The following RPF2 variants were observed in gnomAD, a reference collection of about 807,000 sequenced individuals.
RPF2 encodes ribosome production factor 2 homolog, also known as brix domain containing 1.
Under a neutral mutation model 38.9 loss-of-function variants are expected in RPF2, and 21 were observed. The ratio of observed to expected loss-of-function variants is 0.54; its 90% confidence interval spans 0.38 to 0.78. The LOEUF is 0.78. Among genes scored for constraint, RPF2 ranks in the 30% least tolerant of loss-of-function variants. The pLI is 0.00. For synonymous variants in RPF2, 121 were observed against 126.2 expected, an observed-to-expected ratio of 0.96 and a Z score of 0.28; for missense variants, 314 against 358.1, an observed-to-expected ratio of 0.88 and a Z score of 0.99.
intron 7 of RPF2, among the ~76,000 whole-genome samples, chr6:111,015,349 GA>G (rs908437241): frequency 8.0e-5 from 12 of 150,710 alleles, no homozygotes; most frequent in African/African-American, 2.4e-4. Context: ...CTCCCTCATA[GA>G]AAAAAAAATT....
chr6:110,995,558 C>CT (rs1446121740), intron 4 of RPF2, among the ~76,000 whole-genome samples: 2 of 152,060 alleles, frequency 1.3e-5, no homozygotes, highest in Non-Finnish European at 2.9e-5. Context: ...GGTTATGACT[C>CT]TTTCATCTGT....
Position 111,025,465 on chromosome 6 carries a change from G to T in RPF2, c.804G>T (p.Met268Ile). 6.2e-7 allele frequency: 1 copy of T among 1,613,168 alleles called. No individual in the cohort carries two copies. The highest frequency in any genetic ancestry group is 8.5e-7 in the Non-Finnish European group (1 of 1,179,410). ...TFGTTYGRIH[M>I]QKQDLSKLQT... ...GTACAACTTATGGAAGGATTCATAT[G>T]CAGAAGCAAGACCTAAGCAAACTAC... The change falls in exon 10 of 10, where the codon ATG becomes ATT. Residue 268 changes from methionine (M) to isoleucine (I), a missense_variant. Transcript: ENST00000441448.
chr6:110,994,730 T>TACACACACACAC (rs1483788093), intron 4 of RPF2, among the ~76,000 whole-genome samples: 6 of 97,248 alleles, frequency 6.2e-5, no homozygotes, highest in African/African-American at 2.0e-4. Flanking sequence ...GGGATGAGTA[T>TACACACACACAC]ATATACACAC....
chr6:110,984,277 C>T (rs550408013), intron 1 of RPF2, among the ~76,000 whole-genome samples: 2 of 152,050 alleles, frequency 1.3e-5, no homozygotes, highest in East Asian at 3.9e-4. Flanking sequence ...ACAGGTTGAT[C>T]AGCAGTTGAT....
rs151062152 is a variant in RPF2, at chr6:111,003,636, A to G, written c.393+3849A>G. Among the ~76,000 whole-genome samples, 209 of 152,324 alleles carry G rather than the reference A, an allele frequency of 1.4e-3. 1 individual carries two copies. Among genetic ancestry groups the G allele is most frequent in the African/African-American group, 4.8e-3 (201 of 41,578 alleles). On this transcript the variant is annotated intron_variant, in intron 6 of 9. Transcript: ENST00000441448. The stretch of plus-strand genomic sequence containing the variant: ...CAATGAAGTAAGACTAGCCTGGACA[A>G]CATAGTGAGACCCCGTCTCTACAAA...
chr6:110,987,818 A>G lies in RPF2; in HGVS notation c.157-1210A>G, dbSNP rs562754535. On this transcript the variant is annotated intron_variant, in intron 2 of 9. Coordinates refer to ENST00000441448, the MANE Select transcript of RPF2 (RefSeq NM_032194.3). Reference sequence around the variant, plus strand: ...CTAATGCAAGGTAGTACCTGATGACATCTTTGTTATTCTCTATGGTAGAGC... The same window carrying G: ...CTAATGCAAGGTAGTACCTGATGACGTCTTTGTTATTCTCTATGGTAGAGC... Among the ~76,000 whole-genome samples, 4 of 152,182 alleles carry G rather than the reference A, an allele frequency of 2.6e-5. No homozygotes were observed. The South Asian group carries it at 8.3e-4, about 32-fold the overall frequency.
rs9487573 is a variant in RPF2 at position 111,003,009 on chromosome 6, G to A, written c.393+3222G>A. On this transcript the variant is annotated intron_variant, in intron 6 of 9. Transcript: ENST00000441448. ...AACCCCGACCTCAGGTGATCCACCCGCCTCAGCCTCCCAGAGTGCTGGGAT... is the reference window on the plus strand; with the variant it reads ...AACCCCGACCTCAGGTGATCCACCCACCTCAGCCTCCCAGAGTGCTGGGAT... Among the ~76,000 whole-genome samples, 1,188 of 151,732 alleles carry A rather than the reference G, an allele frequency of 7.8e-3. 24 individuals carry two copies. Among genetic ancestry groups the A allele is most frequent in the African/African-American group, 0.026 (1,092 of 41,352 alleles).
chr6:111,002,293 A>G (rs1389354107), intron 6 of RPF2, among the ~76,000 whole-genome samples: 4 of 152,124 alleles, frequency 2.6e-5, no homozygotes, highest in South Asian at 2.1e-4. Context: ...AAATAAAAAT[A>G]AAAAAGTAAA....
chr6:111,015,714 ATTTGT>A lies in RPF2; in HGVS notation c.494-28_494-24del, dbSNP rs765179384. 3.1e-5 allele frequency: 42 copies of A among 1,364,388 alleles called. 2 individuals carry two copies. The South Asian group carries it at 4.6e-4, about 15-fold the overall frequency. The allele number at this position is 1,364,388 out of a possible 1,614,324, so 84.5% of individuals were successfully genotyped here. On this transcript the variant is annotated intron_variant, in intron 7 of 9. Transcript: ENST00000441448. ...TTCTTTGTAACTGAATTTTGCAAGT[ATTTGT>A]TTTGTTTTGTTAATAATTTAATATG...
intron 8 of RPF2, among the ~76,000 whole-genome samples, chr6:111,017,916 G>A (rs2114348533): frequency 6.6e-6 from 1 of 152,170 alleles, no homozygotes; most frequent in Middle Eastern, 3.4e-3. Flanking sequence ...ACTCCAGCCT[G>A]GGCAACATTG....
At chr6:111,024,379 C>A in intron 9 of RPF2, 52 bp downstream of exon 9, 1 of 1,514,886 alleles carries the variant, frequency 6.6e-7, no homozygotes, top group South Asian at 1.2e-5. Context: ...CTACTTTAAT[C>A]CTTTTTCTTT....
At chr6:111,013,969 C>T (rs545465035) in intron 7 of RPF2, among the ~76,000 whole-genome samples, 4 of 151,470 alleles carry the variant, frequency 2.6e-5, no homozygotes, top group South Asian at 4.2e-4. Context: ...AGACCCCATC[C>T]GTACATAATA....
At chr6:110,985,208 C>T in intron 2 of RPF2, 70 bp downstream of exon 2, 1 of 1,334,374 alleles carries the variant, frequency 7.5e-7, no homozygotes. Flanking sequence ...CTAGGATGGG[C>T]TGTCGGAGAA....
At chr6:111,018,303 G>T (rs911906280) in intron 8 of RPF2, among the ~76,000 whole-genome samples, 2 of 152,152 alleles carry the variant, frequency 1.3e-5, no homozygotes, top group African/African-American at 4.8e-5. Flanking sequence ...GGTACTGGCT[G>T]ACAGAGCCCA....
intron 8 of RPF2, among the ~76,000 whole-genome samples, chr6:111,020,408 T>C (rs1387286628): frequency 3.3e-5 from 5 of 152,154 alleles, no homozygotes; most frequent in African/African-American, 1.2e-4. Flanking sequence ...TAAAAAATCA[T>C]TGACAGTAAG....
At chr6:111,016,458 G>T (rs945555782) in intron 8 of RPF2, among the ~76,000 whole-genome samples, 1 of 152,040 alleles carries the variant, frequency 6.6e-6, no homozygotes, top group South Asian at 2.1e-4. Flanking sequence ...TTAGCCCAGC[G>T]TGGTGGCACA....
chr6:110,986,531 G>A (rs60438636), intron 2 of RPF2, among the ~76,000 whole-genome samples: 37,605 of 152,036 alleles, frequency 0.25, 5,377 homozygotes, highest in East Asian at 0.65. Context: ...AAAGGTGAAA[G>A]GTTCGGTTTG....
intron 6 of RPF2, among the ~76,000 whole-genome samples, chr6:111,005,326 T>C (rs1285692341): frequency 6.6e-6 from 1 of 152,198 alleles, no homozygotes; most frequent in Non-Finnish European, 1.5e-5. Flanking sequence ...TCTTGATTTT[T>C]GGTCAGAACA....
At chr6:110,997,332 C>T (rs1046095803) in intron 5 of RPF2, 68 bp downstream of exon 5, 5 of 923,446 alleles carry the variant, frequency 5.4e-6, no homozygotes, top group African/African-American at 5.0e-5. Context: ...CGAATTCATA[C>T]GGGTCTGCAG....
Sources: allele counts gnomAD v4.1 joint callset (sites outside exome capture counted in the v4.1 genomes callset), GRCh38; gene constraint gnomAD v4.1.1; transcripts MANE v1.5; gene names NCBI Gene and HGNC (gene_info 2026-07-23, HGNC 2026-07-21).